The following RERE variants were observed in gnomAD, a reference collection of about 807,000 sequenced individuals.
RERE encodes the protein arginine-glutamic acid dipeptide repeats.
Under a neutral mutation model 146.1 loss-of-function variants are expected in RERE, and 40 were observed. The ratio of observed to expected loss-of-function variants is 0.27; its 90% CI spans 0.21 to 0.36. The LOEUF (loss-of-function observed/expected upper bound fraction) is 0.36. Among genes scored for constraint, RERE ranks in the 10% least tolerant of loss-of-function variants. The pLI, the probability that RERE is intolerant of heterozygous loss-of-function variation, is 1.00. For synonymous variants in RERE, 1,003 were observed against 866.0 expected (o/e 1.16, Z -2.78); for missense variants, 1,933 against 2,138.7 (o/e 0.90, Z 1.90).
At chr1:8,460,853 C>T (rs1644517658) in intron 11 of RERE, among the ~76,000 whole-genome samples, 1 of 152,218 alleles carries the variant, frequency 6.6e-6, no homozygotes, top group Admixed American at 6.5e-5. Flanking sequence ...CTCACTGGAG[C>T]ACCCAATCTT....
intron 12 of RERE, among the ~76,000 whole-genome samples, chr1:8,388,227 A>AGG (rs1036879763): frequency 2.0e-5 from 3 of 152,086 alleles, no homozygotes; most frequent in African/African-American, 7.2e-5. Flanking sequence ...AAGGAAAAGG[A>AGG]GGGGGGTTAT....
At chr1:8,411,334 T>TTA (rs1553163243) in intron 12 of RERE, among the ~76,000 whole-genome samples, 1 of 150,770 alleles carries the variant, frequency 6.6e-6, no homozygotes, top group Non-Finnish European at 1.5e-5. Context: ...TTTTTTTTTT[T>TTA]AAAGAGATGG....
chr1:8,425,757 A>G (rs2124476710), intron 11 of RERE: 2 of 152,440 alleles, frequency 1.3e-5, no homozygotes, highest in South Asian at 4.1e-4. Flanking sequence ...ACATCAGGGT[A>G]AGGTGGCAGA....
intron 3 of RERE, among the ~76,000 whole-genome samples, chr1:8,622,485 TTAAAAAA>T (rs1319554648): frequency 4.3e-5 from 3 of 69,404 alleles, no homozygotes; most frequent in African/African-American, 1.2e-4. Context: ...CTGTATCTGT[TTAAAAAA>T]AAAAAAAAAA....
intron 12 of RERE, among the ~76,000 whole-genome samples, chr1:8,400,125 T>C (rs1643197560): frequency 1.3e-5 from 2 of 152,168 alleles, no homozygotes. Context: ...AATTTTTCTA[T>C]ATTTTCATTT....
intron 12 of RERE, among the ~76,000 whole-genome samples, chr1:8,416,509 CT>C (rs1217459824): frequency 5.4e-5 from 8 of 148,916 alleles, no homozygotes; most frequent in Admixed American, 1.4e-4. Flanking sequence ...TGGCGTGAAC[CT>C]GGGAGGCGGA....
At chr1:8,439,132 A>C (rs1421722069) in intron 11 of RERE, among the ~76,000 whole-genome samples, 2 of 152,240 alleles carry the variant, frequency 1.3e-5, no homozygotes, top group East Asian at 3.8e-4. Context: ...AACCGCTGAC[A>C]GATAGCCAAG....
intron 4 of RERE, among the ~76,000 whole-genome samples, chr1:8,570,024 G>GCTATAACT (rs1225834517): frequency 6.6e-6 from 1 of 152,102 alleles, no homozygotes; most frequent in Non-Finnish European, 1.5e-5. Context: ...TAGCTTATCA[G>GCTATAACT]TACTTACTGT....
At chr1:8,781,087 G>C (rs1170745821) in intron 1 of RERE, among the ~76,000 whole-genome samples, 1 of 151,870 alleles carries the variant, frequency 6.6e-6, no homozygotes, top group African/African-American at 2.4e-5. Context: ...GCCAGGCACG[G>C]TGGCTCACAC....
intron 15 of RERE, 185 bp downstream of exon 15, chr1:8,363,871 G>C: frequency 1.6e-6 from 1 of 617,694 alleles, no homozygotes; most frequent in Non-Finnish European, 2.8e-6. Flanking sequence ...GGGGCCCCTC[G>C]AAGGAGAGAA....
At chr1:8,639,736 A>G (rs1399153946) in intron 2 of RERE, among the ~76,000 whole-genome samples, 1 of 152,236 alleles carries the variant, frequency 6.6e-6, no homozygotes, top group Admixed American at 6.5e-5. Context: ...ATACCAGGTG[A>G]GACCTTTTTG....
intron 6 of RERE, among the ~76,000 whole-genome samples, chr1:8,542,526 A>G (rs998161773): frequency 6.6e-6 from 1 of 152,174 alleles, no homozygotes; most frequent in Non-Finnish European, 1.5e-5. Context: ...AGTACCTGTA[A>G]CCAAAGCAGG....
intron 4 of RERE, among the ~76,000 whole-genome samples, chr1:8,595,914 A>C (rs1394129613): frequency 6.6e-6 from 1 of 152,242 alleles, no homozygotes; most frequent in East Asian, 1.9e-4. Flanking sequence ...TGAAGAAAGC[A>C]AGTAAGTTTT....
chr1:8,543,846 G>T (rs1162863049), intron 6 of RERE, among the ~76,000 whole-genome samples: 2 of 152,226 alleles, frequency 1.3e-5, no homozygotes, highest in African/African-American at 4.8e-5. Context: ...AAATGATTAT[G>T]AAGTTGTCGT....
chr1:8,655,884 A>G, intron 2 of RERE, 89 bp downstream of exon 2: 1 of 1,523,696 alleles, frequency 6.6e-7, no homozygotes, highest in Admixed American at 2.2e-5. Context: ...GCCTTCCTTA[A>G]AGTGTACAAA....
chr1:8,366,733 A>G (rs896046055), intron 12 of RERE, among the ~76,000 whole-genome samples: 5 of 152,348 alleles, frequency 3.3e-5, no homozygotes, highest in South Asian at 4.1e-4. Context: ...TTCATGGCCC[A>G]GCAGAAACAA....
chr1:8,647,770 G>C (rs917201697), intron 2 of RERE, among the ~76,000 whole-genome samples: 1 of 151,292 alleles, frequency 6.6e-6, no homozygotes, highest in Non-Finnish European at 1.5e-5. Flanking sequence ...AGAAGCTTTC[G>C]ATGATTCAGA....
chr1:8,743,792 AGGCC>A (rs1181896577), intron 1 of RERE, among the ~76,000 whole-genome samples: 2 of 151,962 alleles, frequency 1.3e-5, no homozygotes, highest in East Asian at 3.9e-4. Context: ...GTTATTCTTT[AGGCC>A]CACCATGACC....
intron 16 of RERE, 108 bp downstream of exon 16, chr1:8,362,575 G>A (rs563797319): frequency 2.7e-5 from 38 of 1,402,476 alleles, no homozygotes; most frequent in Non-Finnish European, 2.8e-5. Flanking sequence ...CAGGCTCCAT[G>A]AATGAGCTGC....
Sources: gnomAD v4.1 joint callset for allele counts (sites outside exome capture counted in the v4.1 genomes callset) on GRCh38, gnomAD v4.1.1 for gene constraint, MANE v1.5 for transcripts, NCBI Gene and HGNC (gene_info 2026-07-23, HGNC 2026-07-21) for gene names.